GNG12: variants seen among roughly 807,000 people sequenced by gnomAD.
GNG12 encodes the protein guanine nucleotide-binding protein G(I)/G(S)/G(O) subunit gamma-12.
For synonymous variants in GNG12, 28 were observed against 29.7 expected (o/e 0.94, Z 0.19); for missense variants, 69 against 83.8 (o/e 0.82, Z 0.69).
intron 1 of GNG12, among the ~76,000 whole-genome samples, chr1:67,830,002 C>G (rs1248508752): frequency 8.5e-6 from 1 of 117,372 alleles, no homozygotes; most frequent in African/African-American, 3.3e-5. Flanking sequence ...AAGATGGAGG[C>G]TTTTTTTTTT....
intron 2 of GNG12, among the ~76,000 whole-genome samples, chr1:67,756,071 C>T (rs142257648): frequency 6.1e-4 from 93 of 152,224 alleles, no homozygotes; most frequent in African/African-American, 2.1e-3. Flanking sequence ...TAAGACGAAC[C>T]CATTGTCCTC....
Position 67,733,702 on chromosome 1 carries a change from C to T in GNG12, c.-26-25990G>A, listed in dbSNP as rs562319759. ...TTTCTGCAATTTCTTTCCTTCTCCCCAGTGGACTTCCCCCAAACCTTCCTG... is the reference window on the plus strand; with the variant it reads ...TTTCTGCAATTTCTTTCCTTCTCCCTAGTGGACTTCCCCCAAACCTTCCTG... On this transcript the variant is annotated intron_variant, in intron 2 of 3. Transcript: ENST00000370982. Among the ~76,000 whole-genome samples, 5 of 152,300 alleles carry T rather than the reference C, an allele frequency of 3.3e-5. No homozygotes were observed. In the East Asian group the frequency reaches 9.6e-4, roughly 29 times the overall value.
intron 2 of GNG12, among the ~76,000 whole-genome samples, chr1:67,766,148 A>ACACACACACC (rs756645057): frequency 2.8e-4 from 38 of 133,788 alleles, no homozygotes; most frequent in South Asian, 1.1e-3. Context: ...ACACACACAC[A>ACACACACACC]CCCCTAAACA....
chr1:67,705,532 A>G lies in GNG12; in HGVS notation c.138T>C (p.His46=), dbSNP rs17130202. The part of the protein sequence containing the change: ...SADLMSYCEE[H]ARSDPLLIGI... ...CTATCAGCAAAGGGTCACTCCTGGC[A>G]TGTTCCTCACAGTAGGACATGAGGT... is the stretch of plus-strand genomic sequence containing the variant. The change falls in exon 4 of 4, where the codon CAT becomes CAC. Residue 46 remains histidine (H), a synonymous_variant. Coordinates refer to ENST00000370982, the MANE Select transcript of GNG12 (RefSeq NM_018841.6). 2,881 of 1,614,142 alleles carry G rather than the reference A, an allele frequency of 1.8e-3. 49 individuals are homozygous for G. The African/African-American group carries it at 0.034, about 19-fold the overall frequency.
Position 67,833,356 on chromosome 1 carries a change from G to A in GNG12, c.-89C>T. On this transcript the variant is annotated 5_prime_UTR_variant, in exon 1 of 4. Coordinates refer to ENST00000370982, the MANE Select transcript of GNG12 (RefSeq NM_018841.6). ...GCTTGGTACTCACCCGCCTGCCGGT[G>A]CGCTGCCCCGCCGTCGCCGCCGGGA... 1 of 984,196 alleles carries A rather than the reference G, an allele frequency of 1.0e-6. No individual in the cohort carries two copies. 61.0% of individuals were successfully genotyped at this position (984,196 alleles called of 1,614,324 possible). A position where few individuals can be genotyped will look rare whatever the true frequency, so the allele number is the denominator to read the frequency against.
At chr1:67,707,491 C>G (rs570253477) in intron 3 of GNG12, 103 bp downstream of exon 3, 7 of 742,196 alleles carry the variant, frequency 9.4e-6, no homozygotes, top group South Asian at 4.8e-5. Flanking sequence ...ATCCTGGAAG[C>G]AAGCGGAATG....
intron 1 of GNG12, among the ~76,000 whole-genome samples, chr1:67,803,200 AT>A (rs1275844035): frequency 6.7e-6 from 1 of 148,692 alleles, no homozygotes; most frequent in East Asian, 2.0e-4. Context: ...TATTTATCCC[AT>A]TAGGGAGAAA....
intron 1 of GNG12, among the ~76,000 whole-genome samples, chr1:67,822,325 G>A (rs1646989048): frequency 6.6e-6 from 1 of 151,916 alleles, no homozygotes; most frequent in Non-Finnish European, 1.5e-5. Flanking sequence ...GCCAAGGAAT[G>A]GCTGACATGA....
chr1:67,769,528 C>A (rs1343186657), intron 2 of GNG12, among the ~76,000 whole-genome samples: 1 of 152,146 alleles, frequency 6.6e-6, no homozygotes, highest in Admixed American at 6.5e-5. Flanking sequence ...TGAAGCACAG[C>A]AAATACGTTC....
At chr1:67,719,922 T>C (rs1646347330) in intron 2 of GNG12, among the ~76,000 whole-genome samples, 1 of 152,218 alleles carries the variant, frequency 6.6e-6, no homozygotes, top group Admixed American at 6.5e-5. Flanking sequence ...AAAACTGGAT[T>C]AGATTAAGAC....
chr1:67,757,997 GT>G (rs1282652431), intron 2 of GNG12, among the ~76,000 whole-genome samples: 1 of 152,008 alleles, frequency 6.6e-6, no homozygotes, highest in African/African-American at 2.4e-5. Flanking sequence ...TTGAGACAGA[GT>G]TTTACTCTTG....
At chr1:67,805,178 AG>A (rs1320720089) in intron 1 of GNG12, among the ~76,000 whole-genome samples, 19 of 152,232 alleles carry the variant, frequency 1.2e-4, no homozygotes, top group Non-Finnish European at 2.8e-4. Context: ...CTAAAGCCTC[AG>A]ATCTAACCAC....
intron 1 of GNG12, among the ~76,000 whole-genome samples, chr1:67,818,033 T>TA (rs570994529): frequency 2.6e-5 from 4 of 152,104 alleles, no homozygotes; most frequent in Non-Finnish European, 5.9e-5. Context: ...GCAATCCTCT[T>TA]ACCTCAGCCT....
At chr1:67,716,519 G>C (rs1646326692) in intron 2 of GNG12, among the ~76,000 whole-genome samples, 1 of 152,172 alleles carries the variant, frequency 6.6e-6, no homozygotes. Context: ...ATTTCTGTTT[G>C]ACAGATGAAG....
chr1:67,712,228 G>T (rs918867658), intron 2 of GNG12, among the ~76,000 whole-genome samples: 1 of 152,192 alleles, frequency 6.6e-6, no homozygotes, highest in African/African-American at 2.4e-5. Flanking sequence ...TAAAAAGCTT[G>T]CTTTATTCTT....
chr1:67,768,005 A>G (rs1511688), intron 2 of GNG12, among the ~76,000 whole-genome samples: 17,756 of 152,242 alleles, frequency 0.12, 1,324 homozygotes, highest in African/African-American at 0.21. Flanking sequence ...TCGAATTCTT[A>G]GGCTCAAGGG....
At chr1:67,757,120 G>A (rs1646574459) in intron 2 of GNG12, among the ~76,000 whole-genome samples, 1 of 152,164 alleles carries the variant, frequency 6.6e-6, no homozygotes, top group Non-Finnish European at 1.5e-5. Context: ...ATATCTTGGG[G>A]ATAAGACCCA....
rs1339315568 is a variant in GNG12, at chr1:67,704,405, G to A, written c.*1046C>T. 6.6e-6 allele frequency: 1 copy of A among 152,140 alleles called. No homozygotes were observed. The highest frequency in any genetic ancestry group is 1.5e-5 in the Non-Finnish European group (1 of 68,052). 9.4% of individuals were successfully genotyped at this position (152,140 alleles called of 1,614,324 possible). The stretch of plus-strand genomic sequence containing the variant: ...GTTACCTCTGCAAACAGATGCTCTG[G>A]TAAGAGAAGAAAGACACAGGGAAGG... On this transcript the variant is annotated 3_prime_UTR_variant, in exon 4 of 4. Coordinates refer to ENST00000370982, the MANE Select transcript of GNG12 (RefSeq NM_018841.6).
chr1:67,790,969 T>G (rs1192050314), intron 1 of GNG12, among the ~76,000 whole-genome samples: 1 of 152,196 alleles, frequency 6.6e-6, no homozygotes, highest in African/African-American at 2.4e-5. Context: ...ATTTCTTTAC[T>G]TGAAGCGCCC....
Sources: gnomAD v4.1 joint callset for allele counts (sites outside exome capture counted in the v4.1 genomes callset) on GRCh38, gnomAD v4.1.1 for gene constraint, MANE v1.5 for transcripts, NCBI Gene and HGNC (gene_info 2026-07-23, HGNC 2026-07-21) for gene names.